The following OPHN1 variants were observed in gnomAD, a reference collection of about 807,000 sequenced individuals.
OPHN1 encodes oligophrenin 1.
A neutral mutation model predicts 60.7 loss-of-function variants in OPHN1; 11 were observed. The ratio of observed to expected loss-of-function variants is 0.18; its 90% CI spans 0.11 to 0.30. OPHN1 has a LOEUF of 0.30. Among genes scored for constraint, OPHN1 ranks in the 10% least tolerant of loss-of-function variants. OPHN1 has a pLI of 1.00. For missense variants in OPHN1, 449 were observed against 611.0 expected (o/e 0.73, Z 2.80); for synonymous variants, 226 against 222.6 (o/e 1.02, Z -0.14).
intron 6 of OPHN1, among the ~76,000 whole-genome samples, chrX:68,228,833 TC>T (rs1016100666): frequency 9.0e-6 from 1 of 110,585 alleles, no homozygotes; most frequent in African/African-American, 3.3e-5. Context: ...CTGGAAGCAT[TC>T]CCTTTGAAAA....
chrX:68,142,606 T>C (rs2077248074), intron 15 of OPHN1, among the ~76,000 whole-genome samples: 1 of 111,964 alleles, frequency 8.9e-6, no homozygotes, highest in South Asian at 3.7e-4. Context: ...AAATAAAATC[T>C]ATTATGTTAT....
chrX:68,258,703 G>T (rs187885092), intron 5 of OPHN1, among the ~76,000 whole-genome samples: 5 of 109,717 alleles, frequency 4.6e-5, no homozygotes, highest in South Asian at 4.0e-4. Flanking sequence ...CAGCTGTGTG[G>T]GTACATTCCC....
intron 2 of OPHN1, among the ~76,000 whole-genome samples, chrX:68,397,524 A>ATTTTTTTTTTT (rs753432008): frequency 3.2e-5 from 1 of 31,558 alleles, no homozygotes; most frequent in East Asian, 1.5e-3. Flanking sequence ...TTATTTATTT[A>ATTTTTTTTTTT]TTTTTTTTTT....
chrX:68,271,563 T>A lies in OPHN1; in HGVS notation c.384+3175A>T, dbSNP rs144121135. Among the ~76,000 whole-genome samples the A allele has an allele frequency of 3.3e-3, 361 of 109,905 alleles. 2 individuals are homozygous for A. The highest frequency in any genetic ancestry group is 0.011 in the African/African-American group (345 of 30,114). The stretch of plus-strand genomic sequence containing the variant: ...TCTCACAAAAAAAGAAAAGGAGTAA[T>A]TTAACACTCCGGATAGCAGAATGTT... On this transcript the variant is annotated intron_variant, in intron 5 of 24. Coordinates refer to ENST00000355520, the MANE Select transcript of OPHN1 (RefSeq NM_002547.3).
intron 22 of OPHN1, among the ~76,000 whole-genome samples, chrX:68,053,385 T>C (rs763729828): frequency 2.7e-5 from 3 of 111,943 alleles, no homozygotes; most frequent in Non-Finnish European, 5.6e-5. Context: ...AATATCACCA[T>C]ACAGAGATAA....
At chrX:68,423,474 T>C (rs1284397345) in intron 2 of OPHN1, among the ~76,000 whole-genome samples, 1 of 108,909 alleles carries the variant, frequency 9.2e-6, no homozygotes, top group East Asian at 2.9e-4. Context: ...GAGATACGAC[T>C]CACACACCAT....
At chrX:68,351,118 G>A (rs147207561) in intron 2 of OPHN1, among the ~76,000 whole-genome samples, 19,210 of 109,534 alleles carry the variant, frequency 0.18, 1,778 homozygotes, top group African/African-American at 0.35. Context: ...TAGTAGAGAC[G>A]GGGTTTCACT....
intron 6 of OPHN1, among the ~76,000 whole-genome samples, chrX:68,219,535 G>A (rs1314131642): frequency 1.8e-5 from 2 of 108,802 alleles, no homozygotes; most frequent in African/African-American, 6.7e-5. Flanking sequence ...TGGAAGTAAA[G>A]CTCTCCTCAG....
intron 2 of OPHN1, among the ~76,000 whole-genome samples, chrX:68,372,268 GTC>G (rs1358999210): frequency 8.9e-6 from 1 of 111,869 alleles, no homozygotes; most frequent in East Asian, 2.8e-4. Flanking sequence ...AGAAAGAAGA[GTC>G]TGTTCAACAA....
rs781275585 is a variant in OPHN1, at chrX:68,193,882, G to C, written c.1201+8C>G. 8.4e-7 allele frequency: 1 copy of C among 1,191,278 alleles called. No homozygotes were observed. The highest frequency in any genetic ancestry group is 1.1e-6 in the Non-Finnish European group (1 of 876,985). On this transcript the variant is annotated splice_region_variant and intron_variant, in intron 14 of 24. Coordinates refer to ENST00000355520, the MANE Select transcript of OPHN1 (RefSeq NM_002547.3). The stretch of plus-strand genomic sequence containing the variant: ...CAGACAATGCCAAGACTATGGTTCA[G>C]ATCTTACCTTTGGTCTCAATAATAT...
At chrX:68,267,252 C>T (rs374716913) in intron 5 of OPHN1, among the ~76,000 whole-genome samples, 1 of 111,306 alleles carries the variant, frequency 9.0e-6, no homozygotes, top group Admixed American at 9.6e-5. Flanking sequence ...ACCACACCTA[C>T]TCCAAAATTG....
chrX:68,306,685 T>G (rs1172736553), intron 2 of OPHN1, among the ~76,000 whole-genome samples: 1 of 112,348 alleles, frequency 8.9e-6, no homozygotes. Context: ...ATTTAATAGA[T>G]GGAAGCTGTC....
intron 2 of OPHN1, among the ~76,000 whole-genome samples, chrX:68,359,427 T>C (rs763040006): frequency 1.8e-5 from 2 of 111,262 alleles, no homozygotes; most frequent in Admixed American, 9.7e-5. Flanking sequence ...AAGGAAAATA[T>C]AAGAGACAAT....
At chrX:68,271,952 T>C (rs1295666789) in intron 5 of OPHN1, among the ~76,000 whole-genome samples, 4 of 102,225 alleles carry the variant, frequency 3.9e-5, no homozygotes, top group African/African-American at 1.1e-4. Flanking sequence ...CATCAAGCTG[T>C]CCTCCCCACC....
intron 15 of OPHN1, among the ~76,000 whole-genome samples, chrX:68,144,576 T>A (rs1302738541): frequency 8.9e-6 from 1 of 111,962 alleles, no homozygotes; most frequent in East Asian, 2.8e-4. Flanking sequence ...ATTATATTAA[T>A]GTAAGAAGTA....
chrX:68,285,856 T>C (rs1242145145), intron 3 of OPHN1, among the ~76,000 whole-genome samples: 1 of 110,806 alleles, frequency 9.0e-6, no homozygotes, highest in African/African-American at 3.3e-5. Flanking sequence ...AACTGCAAGT[T>C]TCAGTTGATT....
chrX:68,228,051 T>C (rs12847144), intron 6 of OPHN1, among the ~76,000 whole-genome samples: 1 of 110,759 alleles, frequency 9.0e-6, no homozygotes, highest in East Asian at 2.8e-4. Context: ...AATCAAATAG[T>C]TGCAATAAAA....
chrX:68,429,475 A>G (rs553965812), intron 2 of OPHN1, among the ~76,000 whole-genome samples: 5 of 110,882 alleles, frequency 4.5e-5, no homozygotes, highest in African/African-American at 1.6e-4. Context: ...TATAATCCCA[A>G]CACTTTGAGA....
At chrX:68,133,890 C>T (rs1285961375) in intron 15 of OPHN1, among the ~76,000 whole-genome samples, 3 of 111,328 alleles carry the variant, frequency 2.7e-5, no homozygotes, top group African/African-American at 9.8e-5. Context: ...AAAACATTTG[C>T]TTGGCCGGGC....
Sources: allele counts gnomAD v4.1 joint callset (sites outside exome capture counted in the v4.1 genomes callset), GRCh38; gene constraint gnomAD v4.1.1; transcripts MANE v1.5; gene names NCBI Gene and HGNC (gene_info 2026-07-23, HGNC 2026-07-21).